MRPL30: variants seen among roughly 807,000 people sequenced by gnomAD.
MRPL30 encodes the protein large ribosomal subunit protein uL30m.
Under a neutral mutation model 17.2 loss-of-function variants are expected in MRPL30, and 10 were observed. The ratio of observed to expected loss-of-function variants is 0.58; its 90% CI spans 0.36 to 0.99. MRPL30 has a LOEUF of 0.99. MRPL30 is among the 50% of genes least tolerant of loss of function. The pLI, the probability that MRPL30 is intolerant of heterozygous loss-of-function variation, is 0.01. For missense variants in MRPL30, 170 were observed against 189.8 expected, an observed-to-expected ratio of 0.90 and a Z score of 0.61; for synonymous variants, 61 against 62.1, an observed-to-expected ratio of 0.98 and a Z score of 0.08.
At chr2:99,194,336 C>T (rs2093951683) in intron 3 of MRPL30, among the ~76,000 whole-genome samples, 1 of 152,156 alleles carries the variant, frequency 6.6e-6, no homozygotes, top group Non-Finnish European at 1.5e-5. Context: ...GTTCATTAGT[C>T]ATTTGCCTGT....
intron 2 of MRPL30, chr2:99,187,154 C>G (rs1024369493): frequency 7.2e-5 from 11 of 152,240 alleles, no homozygotes; most frequent in Admixed American, 7.2e-4. Context: ...GGCAGCAGAA[C>G]TCAGCCCAGT....
Position 99,194,914 on chromosome 2 carries a change from A to C in MRPL30, c.279+17A>C, listed in dbSNP as rs2093952714. ...TTAGAAAAAGTATGCAATTATTTTAATCATCTTTAGTGTTGTTTACATTGC... is the reference window on the plus strand; with the variant it reads ...TTAGAAAAAGTATGCAATTATTTTACTCATCTTTAGTGTTGTTTACATTGC... On this transcript the variant is annotated intron_variant, in intron 4 of 5. Coordinates refer to ENST00000338148, the MANE Select transcript of MRPL30 (RefSeq NM_145212.4). 1.9e-6 allele frequency: 3 copies of C among 1,550,256 alleles called. No individual in the cohort carries two copies. Among genetic ancestry groups the C allele is most frequent in the Non-Finnish European group, 2.6e-6 (3 of 1,148,772 alleles).
At chr2:99,187,805 G>C (rs186435437) in intron 2 of MRPL30, among the ~76,000 whole-genome samples, 2,302 of 151,946 alleles carry the variant, frequency 0.015, 66 homozygotes, top group African/African-American at 0.052. Context: ...TCCAGCCTGG[G>C]TGACAGAGCG....
At chr2:99,185,245 A>G (rs568952955) in intron 1 of MRPL30, among the ~76,000 whole-genome samples, 14 of 152,302 alleles carry the variant, frequency 9.2e-5, no homozygotes, top group African/African-American at 3.4e-4. Context: ...ATTGTCTTCC[A>G]TGAAACTGGT....
intron 1 of MRPL30, 35 bp downstream of exon 1, chr2:99,181,284 T>C (rs957545201): frequency 8.8e-6 from 3 of 341,600 alleles, no homozygotes; most frequent in African/African-American, 6.4e-5. Flanking sequence ...AGTGCGGCAT[T>C]CTTCGCAAGG....
rs1046974118 is a variant in MRPL30 at position 99,197,675 on chromosome 2, C to T, written c.*1970C>T. ...TTTTCTTTAGAGACAGGGTCTCACT[C>T]TGTCGCCCAGCCTGGAGGGCAGTGG... On this transcript the variant is annotated 3_prime_UTR_variant, in exon 6 of 6. Transcript: ENST00000338148. 1.0e-4 allele frequency: 16 copies of T among 152,396 alleles called. No individual in the cohort carries two copies. The highest frequency in any genetic ancestry group is 3.8e-4 in the African/African-American group (16 of 41,564). 9.4% of individuals were successfully genotyped at this position (152,396 alleles called of 1,614,324 possible).
At position 99,198,864 on chromosome 2, in the gene MRPL30, C is replaced by G. The variant is rs920887462; in HGVS notation, c.*3159C>G. On this transcript the variant is annotated 3_prime_UTR_variant, in exon 6 of 6. Transcript: ENST00000338148. ...GCCACCAAGTCAACCCAAACACTACCTTTAAGGACGACTGCAGTTCTCTTA... is the reference window on the plus strand; with the variant it reads ...GCCACCAAGTCAACCCAAACACTACGTTTAAGGACGACTGCAGTTCTCTTA... 6.6e-6 allele frequency among the ~76,000 whole-genome samples: 1 copy of G among 152,292 alleles called. No homozygotes were observed. The highest frequency in any genetic ancestry group is 6.5e-5 in the Admixed American group (1 of 15,294).
In MRPL30 at chr2:99,199,121, CTTG is replaced by C. The variant is rs1407108804; in HGVS notation, c.*3419_*3421del. On this transcript the variant is annotated 3_prime_UTR_variant, in exon 6 of 6. Coordinates refer to ENST00000338148, the MANE Select transcript of MRPL30 (RefSeq NM_145212.4). ...AAAGAAACTTCCATGCGGAGATTGT[CTTG>C]TTTTTCTCAAAATGGGATAATTTTG... Among the ~76,000 whole-genome samples the C allele has an allele frequency of 6.6e-6, 1 of 152,086 alleles. No homozygotes were observed. The highest frequency in any genetic ancestry group is 1.5e-5 in the Non-Finnish European group (1 of 67,994).
chr2:99,194,369 T>C (rs1415309081), intron 3 of MRPL30, among the ~76,000 whole-genome samples: 1 of 152,184 alleles, frequency 6.6e-6, no homozygotes, highest in Non-Finnish European at 1.5e-5. Context: ...CTTTGTAGAT[T>C]CTTTTTATAA....
chr2:99,194,819 T>C lies in MRPL30; in HGVS notation c.201T>C (p.His67=), dbSNP rs757941706. Residue 67 remains histidine, a synonymous_variant, in exon 4 of 6, where the codon CAT becomes CAC. Coordinates refer to ENST00000338148, the MANE Select transcript of MRPL30 (RefSeq NM_145212.4). ...ATCCACAGAACCCTCATAAACTGCA[T>C]ATTGTTACCAGAATAAAAAGTACAA... ...GGDPQNPHKL[H]IVTRIKSTRR... The C allele has an allele frequency of 6.3e-7, 1 of 1,598,828 alleles. No individual in the cohort carries two copies. The highest frequency in any genetic ancestry group is 8.5e-7 in the Non-Finnish European group (1 of 1,175,020).
intron 5 of MRPL30, 117 bp downstream of exon 5, chr2:99,195,306 TTG>T: frequency 2.0e-6 from 2 of 1,021,444 alleles, no homozygotes. Context: ...AAATTTTATT[TTG>T]TTTTTTTTTA....
Position 99,195,759 on chromosome 2 carries a change from G to A in MRPL30, c.*54G>A, listed in dbSNP as rs1333605649. 59 of 1,605,596 alleles carry A rather than the reference G, an allele frequency of 3.7e-5. No individual in the cohort carries two copies. Among genetic ancestry groups the A allele is most frequent in the Non-Finnish European group, 4.7e-5 (55 of 1,178,044 alleles). Reference sequence around the variant, plus strand: ...CAAATTGTTTTTATTTAAAGATGGTGAGAAAGTGTTTTCATTAAAATATGT... The same window carrying A: ...CAAATTGTTTTTATTTAAAGATGGTAAGAAAGTGTTTTCATTAAAATATGT... On this transcript the variant is annotated 3_prime_UTR_variant, in exon 6 of 6. Coordinates refer to ENST00000338148, the MANE Select transcript of MRPL30 (RefSeq NM_145212.4).
chr2:99,191,275 A>G lies in MRPL30; in HGVS notation c.132+3018A>G, dbSNP rs188179930. Reference sequence around the variant, plus strand: ...CCCCCTTGGCCTCCCAAAGTGCTGGAATTACAGGCGTGAGCAACCACGCCT... The same window carrying G: ...CCCCCTTGGCCTCCCAAAGTGCTGGGATTACAGGCGTGAGCAACCACGCCT... On this transcript the variant is annotated intron_variant, in intron 3 of 5. Coordinates refer to ENST00000338148, the MANE Select transcript of MRPL30 (RefSeq NM_145212.4). 7.7e-3 allele frequency among the ~76,000 whole-genome samples: 1,167 copies of G among 152,104 alleles called. 7 individuals are homozygous for G. The highest frequency in any genetic ancestry group is 0.013 in the Non-Finnish European group (852 of 67,972).
intron 3 of MRPL30, among the ~76,000 whole-genome samples, chr2:99,188,605 C>T (rs1171608485): frequency 1.3e-5 from 2 of 152,162 alleles, no homozygotes; most frequent in African/African-American, 2.4e-5. Context: ...CTTTCCGTAT[C>T]GATCATTGTT....
In MRPL30 at chr2:99,195,861, C is replaced by A; in HGVS notation, c.*156C>A. The A allele has an allele frequency of 4.0e-6, 4 of 996,276 alleles. No homozygotes were observed. The highest frequency in any genetic ancestry group is 1.6e-5 in the South Asian group (1 of 63,582). 61.7% of individuals were successfully genotyped at this position (996,276 alleles called of 1,614,324 possible). On this transcript the variant is annotated 3_prime_UTR_variant, in exon 6 of 6. Transcript: ENST00000338148. ...CTTTGGGAGGCCAAGGCGGGCAGAT[C>A]ACCTGAGGTCAAGAGTTCGAGACCA...
chr2:99,189,607 TA>T (rs2093940808), intron 3 of MRPL30, among the ~76,000 whole-genome samples: 1 of 152,236 alleles, frequency 6.6e-6, no homozygotes, highest in African/African-American at 2.4e-5. Context: ...AACATTCATG[TA>T]TAGATTTTTG....
chr2:99,196,214 T>G lies in MRPL30; in HGVS notation c.*509T>G, dbSNP rs1439303609. 1 of 156,260 alleles carries G rather than the reference T, an allele frequency of 6.4e-6. No individual in the cohort carries two copies. Among genetic ancestry groups the G allele is most frequent in the Non-Finnish European group, 1.4e-5 (1 of 71,034 alleles). The allele number at this position is 156,260 out of a possible 1,614,324, so 9.7% of individuals were successfully genotyped here. On this transcript the variant is annotated 3_prime_UTR_variant, in exon 6 of 6. Coordinates refer to ENST00000338148, the MANE Select transcript of MRPL30 (RefSeq NM_145212.4). ...TTTCACTGTTTCACTCCAAAACATG[T>G]AAGAATGGCAATGTTTGAACATCTG...
At chr2:99,186,385 T>G in intron 2 of MRPL30, 131 bp downstream of exon 2, 1 of 773,910 alleles carries the variant, frequency 1.3e-6, no homozygotes. Flanking sequence ...CAGGCTGGAG[T>G]GCAGTGGCAC....
rs145271666 is a variant in MRPL30 at position 99,197,133 on chromosome 2, T to G, written c.*1428T>G. ...GCGGAAATCTCTCAGGGAGAATTAT[T>G]TCCTTTCTTTTCTATTTTAGATACC... is the stretch of plus-strand genomic sequence containing the variant. On this transcript the variant is annotated 3_prime_UTR_variant, in exon 6 of 6. Coordinates refer to ENST00000338148, the MANE Select transcript of MRPL30 (RefSeq NM_145212.4). The G allele has an allele frequency of 6.6e-6, 1 of 152,280 alleles. No individual in the cohort carries two copies. Among genetic ancestry groups the G allele is most frequent in the African/African-American group, 2.4e-5 (1 of 41,562 alleles). The allele number at this position is 152,280 out of a possible 1,614,324, so 9.4% of individuals were successfully genotyped here.
Sources: allele counts gnomAD v4.1 joint callset (sites outside exome capture counted in the v4.1 genomes callset), GRCh38; gene constraint gnomAD v4.1.1; transcripts MANE v1.5; gene names NCBI Gene and HGNC (gene_info 2026-07-23, HGNC 2026-07-21).